The following ANK2 variants were observed in gnomAD, a reference collection of about 807,000 sequenced individuals.
The protein encoded by ANK2 is ankyrin 2.
Under a neutral mutation model 360.5 loss-of-function variants are expected in ANK2, and 83 were observed. The ratio of observed to expected loss-of-function variants is 0.23; its 90% CI spans 0.19 to 0.28. The LOEUF (loss-of-function observed/expected upper bound fraction) is 0.28. Ranked by LOEUF, ANK2 falls within the 10% of genes least tolerant of loss-of-function variation. The pLI is 1.00. For synonymous variants in ANK2, 1,740 were observed against 1,759.5 expected (o/e 0.99, Z 0.28); for missense variants, 4,201 against 4,795.7 (o/e 0.88, Z 3.66).
chr4:112,920,513 CTA>C (rs2091191861), intron 2 of ANK2, among the ~76,000 whole-genome samples: 1 of 152,084 alleles, frequency 6.6e-6, no homozygotes, highest in African/African-American at 2.4e-5. Context: ...TGTTTTATTT[CTA>C]TGTTTTAAAA....
chr4:113,206,528 A>G (rs1301432437), intron 4 of ANK2, among the ~76,000 whole-genome samples: 4 of 152,176 alleles, frequency 2.6e-5, no homozygotes, highest in Admixed American at 6.6e-5. Flanking sequence ...ATCCTTTGAA[A>G]TTCAAATGAA....
At chr4:112,937,328 CTTT>C (rs10712090) in intron 2 of ANK2, among the ~76,000 whole-genome samples, 13 of 138,392 alleles carry the variant, frequency 9.4e-5, no homozygotes, top group Non-Finnish European at 7.8e-5. Context: ...CAATTATTGT[CTTT>C]TTTTTTTTTT....
At chr4:113,273,435 G>A (rs1291037576) in intron 14 of ANK2, among the ~76,000 whole-genome samples, 1 of 152,130 alleles carries the variant, frequency 6.6e-6, no homozygotes, top group Non-Finnish European at 1.5e-5. Flanking sequence ...TGGAATTCAT[G>A]CAGTGCTATT....
At chr4:112,824,799 G>C (rs1051362494) in intron 1 of ANK2, among the ~76,000 whole-genome samples, 1 of 152,060 alleles carries the variant, frequency 6.6e-6, no homozygotes, top group South Asian at 2.1e-4. Context: ...ACTGCACCCT[G>C]CTTTTAGCAT....
At chr4:112,788,001 T>C in the ANK2 span, 5 of 711,352 alleles carry the variant, frequency 7.0e-6, no homozygotes, top group East Asian at 1.4e-4. Flanking sequence ...ACACATATTA[T>C]GTATTACCCA....
intron 26 of ANK2, chr4:113,323,644 T>TGAA (rs2087786517): frequency 1.0e-6 from 1 of 988,558 alleles, no homozygotes; most frequent in Admixed American, 2.8e-5. Flanking sequence ...TGGATTTCCA[T>TGAA]TTGTTTTCAA....
the ANK2 span, among the ~76,000 whole-genome samples, chr4:112,760,649 G>A: frequency 6.6e-6 from 1 of 151,464 alleles, no homozygotes; most frequent in East Asian, 1.9e-4. Flanking sequence ...CCATTAACTC[G>A]TCATTTAGCA....
chr4:113,352,739 G>GT (rs887455131), intron 37 of ANK2, among the ~76,000 whole-genome samples: 19 of 150,940 alleles, frequency 1.3e-4, no homozygotes, highest in Admixed American at 9.9e-4. Context: ...GATATGTAGT[G>GT]TTTTTTTGTG....
chr4:113,144,344 T>TC lies in ANK2; in HGVS notation c.85-30072_85-30071insC, dbSNP rs1276908442. Among the ~76,000 whole-genome samples, 26 of 152,252 alleles carry TC rather than the reference T, an allele frequency of 1.7e-4. No individual in the cohort carries two copies. In the East Asian group the frequency reaches 5.0e-3, roughly 29 times the overall value. ...AAGCAACAATACAAAAATGTCCCTC[T>TC]TGGATTTGAGTGTTTAGGGATTTGT... is the stretch of plus-strand genomic sequence containing the variant. On this transcript the variant is annotated intron_variant, in intron 1 of 45. Coordinates refer to ENST00000357077, the MANE Select transcript of ANK2 (RefSeq NM_001148.6).
chr4:112,807,375 T>G, the ANK2 span, among the ~76,000 whole-genome samples: 1 of 152,158 alleles, frequency 6.6e-6, no homozygotes, highest in Non-Finnish European at 1.5e-5. Flanking sequence ...GTCACAGAAG[T>G]GCATTTAAGT....
intron 1 of ANK2, among the ~76,000 whole-genome samples, chr4:112,840,546 C>G (rs1398723814): frequency 6.6e-6 from 1 of 152,026 alleles, no homozygotes; most frequent in Non-Finnish European, 1.5e-5. Flanking sequence ...GCTTATATAC[C>G]CAGAGGGTCC....
chr4:112,728,755 A>G, the ANK2 span, among the ~76,000 whole-genome samples: 2 of 152,184 alleles, frequency 1.3e-5, no homozygotes, highest in Non-Finnish European at 2.9e-5. Flanking sequence ...AAATAAATAA[A>G]TAACAAGTGA....
chr4:113,045,176 A>G (rs1162903825), upstream of ANK2, among the ~76,000 whole-genome samples: 1 of 152,204 alleles, frequency 6.6e-6, no homozygotes, highest in Non-Finnish European at 1.5e-5. Context: ...AGAGTTCTTA[A>G]TACTATTAAC....
intron 1 of ANK2, among the ~76,000 whole-genome samples, chr4:113,103,051 A>T (rs1312797623): frequency 6.6e-6 from 1 of 152,098 alleles, no homozygotes; most frequent in African/African-American, 2.4e-5. Context: ...TATTTGCCTA[A>T]GTATTTCATT....
At chr4:112,749,617 T>C in the ANK2 span, among the ~76,000 whole-genome samples, 1 of 152,200 alleles carries the variant, frequency 6.6e-6, no homozygotes, top group Non-Finnish European at 1.5e-5. Flanking sequence ...GTCACAGCAG[T>C]GTTTCCTAGG....
chr4:113,172,949 C>T (rs1249877422), intron 1 of ANK2, among the ~76,000 whole-genome samples: 1 of 152,120 alleles, frequency 6.6e-6, no homozygotes, highest in Non-Finnish European at 1.5e-5. Context: ...ACAGTTCAGT[C>T]GCTGCAGCAT....
At chr4:112,825,433 G>A (rs2058206384) in intron 1 of ANK2, among the ~76,000 whole-genome samples, 1 of 152,170 alleles carries the variant, frequency 6.6e-6, no homozygotes, top group African/African-American at 2.4e-5. Context: ...ATCAGATTTT[G>A]TTGACATAGT....
At chr4:113,049,630 T>G, upstream of ANK2, 3 of 1,111,254 alleles carry the variant, frequency 2.7e-6, no homozygotes, top group East Asian at 5.1e-5. Context: ...CCACCCCTCC[T>G]CCTCCTCCTG....
chr4:113,052,066 A>T, intron 1 of ANK2, among the ~76,000 whole-genome samples: 1 of 152,176 alleles, frequency 6.6e-6, no homozygotes, highest in Non-Finnish European at 1.5e-5. Flanking sequence ...ATAATTGGAA[A>T]CTTTTTTATC....
Sources: gnomAD v4.1 joint callset for allele counts (sites outside exome capture counted in the v4.1 genomes callset) on GRCh38, gnomAD v4.1.1 for gene constraint, MANE v1.5 for transcripts, NCBI Gene and HGNC (gene_info 2026-07-23, HGNC 2026-07-21) for gene names.